Variants in CCDC77 observed in about 807,000 individuals in gnomAD.
CCDC77 encodes coiled-coil domain-containing protein 77.
In CCDC77, 56 loss-of-function variants were observed where a neutral mutation model predicts 66.8. The ratio of observed to expected loss-of-function variants is 0.84; its 90% CI spans 0.68 to 1.05. CCDC77 has a LOEUF of 1.05. Ranked by LOEUF, CCDC77 falls within the 50% of genes least tolerant of loss-of-function variation. CCDC77 has a pLI of 0.00. For missense variants in CCDC77, 570 were observed against 576.8 expected, an observed-to-expected ratio of 0.99 and a Z score of 0.12; for synonymous variants, 196 against 195.2, an observed-to-expected ratio of 1.00 and a Z score of -0.03.
In CCDC77 at chr12:416,375, GTGTATA is replaced by G. The variant is rs1350341140; in HGVS notation, c.271-2117_271-2112del. 5.7e-3 allele frequency among the ~76,000 whole-genome samples: 117 copies of G among 20,542 alleles called. 1 individual carries two copies. The highest frequency in any genetic ancestry group is 0.022 in the African/African-American group (112 of 5,018). The allele number at this position is 20,542 out of a possible 152,430, so 13.5% of individuals were successfully genotyped here. On this transcript the variant is annotated intron_variant, in intron 4 of 12. Transcript: ENST00000239830. ...TGTGTGTGTGTGTGTGTGTGTGTGT[GTGTATA>G]TATATATATATATATATATATATAT...
chr12:389,393 T>C (rs1041197584), exon 1 of CCDC77: 52 of 547,190 alleles, frequency 9.5e-5, no homozygotes, highest in Middle Eastern at 8.4e-4. Flanking sequence ...GGCCTTTCCT[T>C]CTTCTTCTCT....
At chr12:395,879 G>A (rs576341665) in intron 1 of CCDC77, among the ~76,000 whole-genome samples, 2 of 152,176 alleles carry the variant, frequency 1.3e-5, no homozygotes, top group Admixed American at 1.3e-4. Flanking sequence ...GGGCGACAGA[G>A]TGAGACTCTG....
In CCDC77 at chr12:436,275, G is replaced by A. The variant is rs571591193; in HGVS notation, c.822-2060G>A. 1.5e-3 allele frequency among the ~76,000 whole-genome samples: 227 copies of A among 151,340 alleles called. 1 individual carries two copies. Among genetic ancestry groups the A allele is most frequent in the Middle Eastern group, 3.4e-3 (1 of 290 alleles). On this transcript the variant is annotated intron_variant, in intron 9 of 12. Transcript: ENST00000239830. ...TGGGACTACAGGCGCCCACCACCACGCCCGGCTAATTTTTTTTTTTTAATT... is the reference window on the plus strand; with the variant it reads ...TGGGACTACAGGCGCCCACCACCACACCCGGCTAATTTTTTTTTTTTAATT...
intron 1 of CCDC77, among the ~76,000 whole-genome samples, chr12:392,253 A>G (rs1944766296): frequency 6.6e-6 from 1 of 152,204 alleles, no homozygotes; most frequent in African/African-American, 2.4e-5. Context: ...CTTAGATCTG[A>G]TAATCATTTG....
chr12:425,778 C>T (rs1439927012), intron 5 of CCDC77, among the ~76,000 whole-genome samples: 3 of 152,192 alleles, frequency 2.0e-5, no homozygotes, highest in Admixed American at 1.3e-4. Flanking sequence ...TTGTTCATGC[C>T]GTCTGATTTA....
intron 9 of CCDC77, chr12:433,587 G>A: frequency 5.8e-6 from 4 of 695,644 alleles, no homozygotes; most frequent in Non-Finnish European, 7.7e-6. Context: ...AGTGTTCTTA[G>A]GCCGGGTGCA....
In CCDC77 at chr12:435,845, C is replaced by A. The variant is rs188194863; in HGVS notation, c.822-2490C>A. On this transcript the variant is annotated intron_variant, in intron 9 of 12. Transcript: ENST00000239830. ...CCTTGAACTCCTGGGCGCAAGCAAT[C>A]CTCCTGCCTCAGCCTTCCAAGTCGC... 6.6e-5 allele frequency among the ~76,000 whole-genome samples: 10 copies of A among 152,174 alleles called. No individual in the cohort carries two copies. In the South Asian group the frequency reaches 1.0e-3, roughly 16 times the overall value.
intron 6 of CCDC77, among the ~76,000 whole-genome samples, chr12:430,079 C>T (rs951517668): frequency 6.6e-5 from 10 of 152,146 alleles, no homozygotes; most frequent in African/African-American, 1.9e-4. Context: ...CCACAACCTC[C>T]GCCTCCCAGG....
chr12:423,114 CTTTTTT>C (rs139334337), intron 5 of CCDC77, among the ~76,000 whole-genome samples: 2,068 of 74,338 alleles, frequency 0.028, 27 homozygotes, highest in African/African-American at 0.11. Context: ...TCTTTTAAGC[CTTTTTT>C]TTTTTTTTTT....
At chr12:441,058 A>T in intron 12 of CCDC77, 62 bp downstream of exon 12, 1 of 1,545,118 alleles carries the variant, frequency 6.5e-7, no homozygotes, top group South Asian at 1.1e-5. Flanking sequence ...GAACATGGTC[A>T]CGAGGGCCCC....
Position 406,381 on chromosome 12 carries a change from C to T in CCDC77, c.-17+817C>T, listed in dbSNP as rs575674071. ...ATCATAGCAAAGAGAACTGTAGGTA[C>T]GGGGACTCTGAAGTAGAAGTGTGCC... On this transcript the variant is annotated intron_variant, in intron 2 of 12. Transcript: ENST00000239830. Among the ~76,000 whole-genome samples, 11 of 152,198 alleles carry T rather than the reference C, an allele frequency of 7.2e-5. No homozygotes were observed. The South Asian group carries it at 1.0e-3, about 14-fold the overall frequency.
intron 12 of CCDC77, 27 bp from the exon 13 acceptor site, chr12:441,747 T>C (rs779545153): frequency 1.5e-5 from 3 of 205,628 alleles, no homozygotes; most frequent in South Asian, 2.3e-4. Flanking sequence ...CATCATTTCT[T>C]TTTTTTTTTT....
chr12:414,010 T>C (rs2137556076), intron 4 of CCDC77, among the ~76,000 whole-genome samples: 1 of 151,974 alleles, frequency 6.6e-6, no homozygotes, highest in African/African-American at 2.4e-5. Flanking sequence ...AATACCTGTT[T>C]ACCAAACTTT....
rs774807165 is a variant in CCDC77 at position 433,299 on chromosome 12, C to CA, written c.802dup (p.Ile268AsnfsTer17). The CA allele has an allele frequency of 1.8e-5, 29 of 1,613,850 alleles. 1 individual carries two copies. The South Asian group carries it at 3.2e-4, about 18-fold the overall frequency. On this transcript the variant is annotated frameshift_variant, in exon 9 of 13. Transcript: ENST00000239830. LOFTEE classifies it high-confidence loss of function. ...AAGTTCAGCACCAGAGAAATCAGAA[C>CA]AAAATCAAAGAGCTAACCAAAAAGT...
rs923145146 is a variant in CCDC77, at chr12:442,061, C to A, written c.*141C>A. On this transcript the variant is annotated 3_prime_UTR_variant, in exon 13 of 13. Transcript: ENST00000239830. ...TTATTGTAAAGACAGCTTGAAGAAT[C>A]GGGGACCACTAGGAAAGCTTTTCTT... 1.2e-6 allele frequency: 1 copy of A among 863,664 alleles called. No individual in the cohort carries two copies. Among genetic ancestry groups the A allele is most frequent in the Admixed American group, 2.3e-5 (1 of 44,142 alleles). The allele number at this position is 863,664 out of a possible 1,614,324, so 53.5% of individuals were successfully genotyped here. A position where few individuals can be genotyped will look rare whatever the true frequency, so the allele number is the denominator to read the frequency against.
intron 5 of CCDC77, among the ~76,000 whole-genome samples, chr12:428,127 A>G (rs1041346738): frequency 6.6e-6 from 1 of 152,186 alleles, no homozygotes; most frequent in Admixed American, 6.6e-5. Flanking sequence ...AGCAGGCAGC[A>G]TTCCTGGCAG....
At chr12:436,818 G>T in intron 9 of CCDC77, 2 of 924,744 alleles carry the variant, frequency 2.2e-6, no homozygotes, top group Non-Finnish European at 2.6e-6. Context: ...GGCCGTTAAT[G>T]ACTGCCCTTT....
chr12:428,510 CAAAAAAAAAAAAAAAA>C (rs59414510), intron 5 of CCDC77, among the ~76,000 whole-genome samples: 1 of 57,854 alleles, frequency 1.7e-5, no homozygotes, highest in Non-Finnish European at 3.0e-5. Context: ...GACTCTGTCT[CAAAAAAAAAAAAAAAA>C]AAAAAAAAAA....
intron 5 of CCDC77, 186 bp downstream of exon 5, chr12:418,822 T>C (rs780025033): frequency 3.4e-6 from 2 of 591,938 alleles, no homozygotes; most frequent in African/African-American, 1.9e-5. Flanking sequence ...CCTCAGCCTC[T>C]CGAGTAGCTG....
Sources: gnomAD v4.1 joint callset for allele counts (sites outside exome capture counted in the v4.1 genomes callset) on GRCh38, gnomAD v4.1.1 for gene constraint, MANE v1.5 for transcripts, NCBI Gene and HGNC (gene_info 2026-07-23, HGNC 2026-07-21) for gene names.